The following ARPP21 variants were observed in gnomAD, a reference collection of about 807,000 sequenced individuals.
ARPP21 encodes the protein cAMP regulated phosphoprotein 21.
A neutral mutation model predicts 113.2 loss-of-function variants in ARPP21; 69 were observed. The observed-to-expected ratio is 0.61, with a 90% CI of 0.50 to 0.74. The LOEUF (loss-of-function observed/expected upper bound fraction) is 0.74. Ranked by LOEUF, ARPP21 falls within the 30% of genes least tolerant of loss-of-function variation. The pLI is 0.00. For missense variants in ARPP21, 1,070 were observed against 1,037.4 expected, an observed-to-expected ratio of 1.03 and a Z score of -0.43; for synonymous variants, 368 against 375.5, an observed-to-expected ratio of 0.98 and a Z score of 0.23.
chr3:35,656,635 T>A (rs898706986), intron 1 of ARPP21, among the ~76,000 whole-genome samples: 1 of 151,984 alleles, frequency 6.6e-6, no homozygotes, highest in African/African-American at 2.4e-5. Flanking sequence ...AAAGGGCAGA[T>A]TGGTGACTGC....
Position 35,771,218 on chromosome 3 carries a change from G to A in ARPP21, c.2138-21164G>A, listed in dbSNP as rs141670463. Among the ~76,000 whole-genome samples the A allele has an allele frequency of 1.7e-4, 26 of 152,178 alleles. No individual in the cohort carries two copies. The East Asian group carries it at 2.9e-3, about 17-fold the overall frequency. On this transcript the variant is annotated intron_variant, in intron 19 of 20. Coordinates refer to ENST00000684406, the MANE Select transcript of ARPP21 (RefSeq NM_001385562.1). ...TGGTCACAGTTCTTTGCAGGCTGGC[G>A]TTTCCTGACCTCTGGGCACATTGGT...
intron 15 of ARPP21, among the ~76,000 whole-genome samples, chr3:35,730,202 A>G (rs2093851526): frequency 6.6e-6 from 1 of 152,048 alleles, no homozygotes; most frequent in South Asian, 2.1e-4. Context: ...TTAATTTTGC[A>G]TTTTTCTAGT....
chr3:35,748,413 A>C lies in ARPP21; in HGVS notation c.2137+4448A>C, dbSNP rs182117064. ...AAGAAAAGAAAGGGAGAAAGGAGAG[A>C]GAAAGAAAAGAGAAAGAAAGAGAAA... On this transcript the variant is annotated intron_variant, in intron 19 of 20. Transcript: ENST00000684406. Among the ~76,000 whole-genome samples the C allele has an allele frequency of 1.2e-3, 179 of 151,114 alleles. 1 individual carries two copies. Among genetic ancestry groups the C allele is most frequent in the African/African-American group, 4.2e-3 (174 of 41,272 alleles).
intron 16 of ARPP21, among the ~76,000 whole-genome samples, 193 bp from the exon 17 acceptor site, chr3:35,738,021 A>G (rs2094459921): frequency 6.6e-6 from 1 of 152,196 alleles, no homozygotes; most frequent in African/African-American, 2.4e-5. Flanking sequence ...AGAAATAATC[A>G]CTAAGTGCAA....
Position 35,738,231 on chromosome 3 carries a change from G to A in ARPP21, c.1662G>A (p.Gln554=), listed in dbSNP as rs1291710118. The A allele has an allele frequency of 6.5e-7, 1 of 1,536,042 alleles. No homozygotes were observed. ...PLVTQSVQGL[Q]ASSQSVQYPA... is the part of the protein sequence containing the mutation. ...TCCTCCAGTCTGTCCAGGGGCTGCA[G>A]GCTTCCTCCCAGTCAGTGCAATATC... Residue 554 remains glutamine (Q), a synonymous_variant, in exon 17 of 21, where the codon CAG becomes CAA. Transcript: ENST00000684406.
chr3:35,659,346 T>G (rs991716204), intron 1 of ARPP21, among the ~76,000 whole-genome samples: 1 of 152,304 alleles, frequency 6.6e-6, no homozygotes, highest in South Asian at 2.1e-4. Context: ...TTTTAAAATA[T>G]GATAATATGA....
chr3:35,712,504 T>G (rs2091411021), intron 11 of ARPP21, among the ~76,000 whole-genome samples: 1 of 147,468 alleles, frequency 6.8e-6, no homozygotes. Context: ...TATCTTGGTG[T>G]CTAAGGTGTC....
chr3:35,741,575 T>C (rs1421056630), intron 18 of ARPP21, among the ~76,000 whole-genome samples: 1 of 152,124 alleles, frequency 6.6e-6, no homozygotes, highest in Admixed American at 6.5e-5. Context: ...ACTGGAAAGG[T>C]GAAGTGAAAA....
At chr3:35,698,103 A>T (rs1056965685) in intron 9 of ARPP21, among the ~76,000 whole-genome samples, 9 of 151,734 alleles carry the variant, frequency 5.9e-5, no homozygotes, top group African/African-American at 2.2e-4. Context: ...CATTGTTCTC[A>T]GGAAAACTAT....
intron 19 of ARPP21, among the ~76,000 whole-genome samples, chr3:35,745,039 G>A (rs17033738): frequency 0.033 from 5,000 of 152,242 alleles, 147 homozygotes; most frequent in South Asian, 0.11. Flanking sequence ...CCTATTTAAA[G>A]TCTGTGGGAG....
chr3:35,762,552 G>A (rs1040803820), intron 19 of ARPP21, among the ~76,000 whole-genome samples: 13 of 152,082 alleles, frequency 8.5e-5, no homozygotes, highest in South Asian at 4.1e-4. Flanking sequence ...GATTCATAGA[G>A]GCTAAAGGGC....
At chr3:35,792,250 C>G (rs972289523) in intron 19 of ARPP21, 132 bp from the exon 20 acceptor site, 2 of 721,478 alleles carry the variant, frequency 2.8e-6, no homozygotes, top group Admixed American at 2.4e-5. Context: ...AGGGAATAAA[C>G]ATCTGATAAC....
Position 35,737,318 on chromosome 3 carries a change from G to T in ARPP21, c.1600G>T (p.Val534Phe). Residue 534 changes from valine (V) to phenylalanine (F), a missense_variant, in exon 16 of 21, where the codon GTC becomes TTC. Transcript: ENST00000684406. The stretch of plus-strand genomic sequence containing the variant: ...GCCCTCCCCGCAGCCCCAACAGCAG[G>T]TCCAGCCACCGCAGCCACAGATGGC... ...QQPSPQPQQQ[V>F]QPPQPQMAGP... 1.2e-6 allele frequency: 2 copies of T among 1,612,444 alleles called. No homozygotes were observed. The highest frequency in any genetic ancestry group is 1.7e-6 in the Non-Finnish European group (2 of 1,179,094).
intron 19 of ARPP21, among the ~76,000 whole-genome samples, chr3:35,757,819 A>G (rs1397604719): frequency 6.6e-6 from 1 of 152,062 alleles, no homozygotes; most frequent in East Asian, 1.9e-4. Flanking sequence ...TTTATTTGGT[A>G]TTATATTTAT....
intron 14 of ARPP21, 33 bp from the exon 15 acceptor site, chr3:35,729,270 T>C (rs1235289095): frequency 6.9e-7 from 1 of 1,459,592 alleles, no homozygotes; most frequent in East Asian, 2.3e-5. Flanking sequence ...TCTCTGTGTG[T>C]TCAATGATTT....
intron 15 of ARPP21, 139 bp from the exon 16 acceptor site, chr3:35,737,039 G>A: frequency 1.7e-6 from 1 of 579,806 alleles, no homozygotes; most frequent in Non-Finnish European, 3.1e-6. Flanking sequence ...CTTCACATTG[G>A]TGAAGGTTTT....
At chr3:35,767,682 C>T (rs1389926502) in intron 19 of ARPP21, among the ~76,000 whole-genome samples, 1 of 152,038 alleles carries the variant, frequency 6.6e-6, no homozygotes, top group African/African-American at 2.4e-5. Flanking sequence ...CTTATATGTC[C>T]TATCATGAAA....
At chr3:35,664,033 A>G (rs1343490718) in intron 1 of ARPP21, among the ~76,000 whole-genome samples, 7 of 152,230 alleles carry the variant, frequency 4.6e-5, no homozygotes, top group Non-Finnish European at 1.5e-5. Context: ...AGCCCACTAT[A>G]AAGCGAAAAT....
intron 15 of ARPP21, among the ~76,000 whole-genome samples, chr3:35,733,823 C>T (rs28520631): frequency 0.04 from 6,032 of 152,276 alleles, 176 homozygotes; most frequent in Admixed American, 0.079. Flanking sequence ...TGCCATCTCT[C>T]TCTACTTAAG....
Sources: allele counts gnomAD v4.1 joint callset (sites outside exome capture counted in the v4.1 genomes callset), GRCh38; gene constraint gnomAD v4.1.1; transcripts MANE v1.5; gene names NCBI Gene and HGNC (gene_info 2026-07-23, HGNC 2026-07-21).